The following TASL variants were observed in gnomAD, a reference collection of about 807,000 sequenced individuals.
TASL encodes the protein TLR adaptor interacting with endolysosomal SLC15A4.
Under a neutral mutation model 12.9 loss-of-function variants are expected in TASL, and 6 were observed. The ratio of observed to expected loss-of-function variants is 0.46; its 90% CI spans 0.25 to 0.92. The LOEUF is 0.92. TASL is among the 40% of genes least tolerant of loss of function. TASL has a pLI of 0.17. For synonymous variants in TASL, 85 were observed against 79.3 expected, an observed-to-expected ratio of 1.07 and a Z score of -0.38; for missense variants, 165 against 212.8, an observed-to-expected ratio of 0.78 and a Z score of 1.40.
chrX:30,568,601 AC>A (rs1256055683), intron 2 of TASL, among the ~76,000 whole-genome samples: 1 of 110,338 alleles, frequency 9.1e-6, no homozygotes, highest in Non-Finnish European at 1.9e-5. Context: ...CCCCTTTAGG[AC>A]CCCTTATCCC....
chrX:30,559,462 A>T lies in TASL; in HGVS notation c.894T>A (p.Asn298Lys). 1 of 1,170,772 alleles carries T rather than the reference A, an allele frequency of 8.5e-7. No homozygotes were observed. Among genetic ancestry groups the T allele is most frequent in the Non-Finnish European group, 1.1e-6 (1 of 874,132 alleles). Reference sequence around the variant, plus strand: ...GGAAGCATCCTCTCTATGGATTTACATTGCTATACTGAGAAATATGGAGAC... The same window carrying T: ...GGAAGCATCCTCTCTATGGATTTACTTTGCTATACTGAGAAATATGGAGAC... ...TPSLHISQYSNVNP is the reference protein window; with the variant it reads ...TPSLHISQYSKVNP The change falls in exon 3 of 3, where the codon AAT becomes AAA. Residue 298 changes from asparagine (N) to lysine (K), a missense_variant. Coordinates refer to ENST00000378962, the MANE Select transcript of TASL (RefSeq NM_025159.3).
At chrX:30,563,301 T>G (rs765631504) in intron 2 of TASL, among the ~76,000 whole-genome samples, 1 of 112,012 alleles carries the variant, frequency 8.9e-6, no homozygotes, top group Non-Finnish European at 1.9e-5. Flanking sequence ...ACCATGATTG[T>G]GTTTCCTGAG....
chrX:30,568,725 C>T lies in TASL; in HGVS notation c.-2+8027G>A, dbSNP rs778067866. Reference sequence around the variant, plus strand: ...ATGCAGATGAGTTTTATAAGTACTCCTGATAATCTCCACACTCCTTCATAA... The same window carrying T: ...ATGCAGATGAGTTTTATAAGTACTCTTGATAATCTCCACACTCCTTCATAA... On this transcript the variant is annotated intron_variant, in intron 2 of 2. Transcript: ENST00000378962. 3.9e-3 allele frequency among the ~76,000 whole-genome samples: 435 copies of T among 110,194 alleles called. 1 individual carries two copies. Among genetic ancestry groups the T allele is most frequent in the African/African-American group, 0.014 (411 of 30,179 alleles).
At chrX:30,563,183 C>T (rs1930452523) in intron 2 of TASL, among the ~76,000 whole-genome samples, 3 of 111,213 alleles carry the variant, frequency 2.7e-5, no homozygotes, top group Non-Finnish European at 3.8e-5. Context: ...CCATCCTGTT[C>T]TCGTGATAGA....
chrX:30,559,425 C>T lies in TASL; in HGVS notation c.*25G>A, dbSNP rs188451154. ...GTGTTGCTTCATGTTTAAGTAAATG[C>T]GAGACAGTAATGGAAGCATCCTCTC... is the stretch of plus-strand genomic sequence containing the variant. On this transcript the variant is annotated 3_prime_UTR_variant, in exon 3 of 3. Transcript: ENST00000378962. 59 of 1,077,435 alleles carry T rather than the reference C, an allele frequency of 5.5e-5. No homozygotes were observed. The highest frequency in any genetic ancestry group is 3.5e-4 in the African/African-American group (19 of 53,628). 88.8% of individuals were successfully genotyped at this position (1,077,435 alleles called of 1,213,427 possible). A position where few individuals can be genotyped will look rare whatever the true frequency, so the allele number is the denominator to read the frequency against.
chrX:30,576,085 A>G (rs1357238608), intron 2 of TASL, among the ~76,000 whole-genome samples: 1 of 112,003 alleles, frequency 8.9e-6, no homozygotes, highest in Non-Finnish European at 1.9e-5. Flanking sequence ...AATTGTAGGC[A>G]TGTCAACTAC....
At chrX:30,566,092 A>G (rs780436562) in intron 2 of TASL, among the ~76,000 whole-genome samples, 1 of 110,755 alleles carries the variant, frequency 9.0e-6, no homozygotes, top group East Asian at 2.8e-4. Context: ...TTTAAAGTTC[A>G]TTGGTTGATC....
At position 30,568,373 on chromosome X, in the gene TASL, C is replaced by T. The variant is rs375844413; in HGVS notation, c.-1-8017G>A. ...AGAGATGACTGTGTGACAGGTTAACCTTTATTTGGCCCTACAGACAGAAAG... is the reference window on the plus strand; with the variant it reads ...AGAGATGACTGTGTGACAGGTTAACTTTTATTTGGCCCTACAGACAGAAAG... On this transcript the variant is annotated intron_variant, in intron 2 of 2. Transcript: ENST00000378962. 6.4e-4 allele frequency among the ~76,000 whole-genome samples: 71 copies of T among 111,395 alleles called. No homozygotes were observed. The South Asian group carries it at 0.027, about 42-fold the overall frequency.
At chrX:30,561,679 A>G (rs1435193322) in intron 2 of TASL, among the ~76,000 whole-genome samples, 1 of 109,808 alleles carries the variant, frequency 9.1e-6, no homozygotes, top group African/African-American at 3.4e-5. Context: ...AAAATTGTAT[A>G]AGGGTAAGAT....
At chrX:30,561,491 G>A (rs1930422973) in intron 2 of TASL, among the ~76,000 whole-genome samples, 1 of 111,574 alleles carries the variant, frequency 9.0e-6, no homozygotes, top group Non-Finnish European at 1.9e-5. Flanking sequence ...GTCCTCTTGG[G>A]CCTCGAGAGC....
chrX:30,564,193 T>C (rs1248748866), intron 2 of TASL, among the ~76,000 whole-genome samples: 3 of 111,577 alleles, frequency 2.7e-5, no homozygotes, highest in Non-Finnish European at 1.9e-5. Context: ...ATTTTAAACC[T>C]CAATGGAAGG....
Position 30,559,730 on chromosome X carries a change from A to G in TASL, c.626T>C (p.Val209Ala). ...LQMQNPISNAVLNEYLEQKVV... is the reference protein window; with the variant it reads ...LQMQNPISNAALNEYLEQKVV... ...CTTCTGCTCCAGGTACTCATTCAGA[A>G]CTGCATTAGAAATAGGATTCTGCAT... is the stretch of plus-strand genomic sequence containing the variant. Residue 209 changes from valine to alanine, a missense_variant, in exon 3 of 3, where the codon GTT becomes GCT. By Grantham distance (64) the Val-to-Ala change is moderately conservative. Transcript: ENST00000378962. 1 of 1,211,012 alleles carries G rather than the reference A, an allele frequency of 8.3e-7. No homozygotes were observed. Among genetic ancestry groups the G allele is most frequent in the Non-Finnish European group, 1.1e-6 (1 of 894,839 alleles).
At position 30,574,700 on chromosome X, in the gene TASL, A is replaced by G. The variant is rs1388745214; in HGVS notation, c.-2+2052T>C. On this transcript the variant is annotated intron_variant, in intron 2 of 2. Coordinates refer to ENST00000378962, the MANE Select transcript of TASL (RefSeq NM_025159.3). ...CTAGCAGGGGTACAGTTTGGCTTCT[A>G]CCTGTCAACATGTCTGCTTACAGAG... Among the ~76,000 whole-genome samples, 3 of 112,164 alleles carry G rather than the reference A, an allele frequency of 2.7e-5. No individual in the cohort carries two copies. In the East Asian group the frequency reaches 8.4e-4, roughly 31 times the overall value.
chrX:30,563,148 C>G (rs1194232566), intron 2 of TASL, among the ~76,000 whole-genome samples: 1 of 111,369 alleles, frequency 9.0e-6, no homozygotes, highest in African/African-American at 3.3e-5. Context: ...ATGTGGAGAT[C>G]ATTGAATCAT....
Position 30,559,509 on chromosome X carries a change from T to C in TASL, c.847A>G (p.Ile283Val), listed in dbSNP as rs1330115492. The change falls in exon 3 of 3, where the codon ATT becomes GTT. Residue 283 changes from isoleucine (I) to valine (V), a missense_variant. By Grantham distance (29) the Ile-to-Val change is conservative. Coordinates refer to ENST00000378962, the MANE Select transcript of TASL (RefSeq NM_025159.3). ...SRLLQLMSTE[I>V]TEISTPSLHI... The stretch of plus-strand genomic sequence containing the variant: ...AGACTAGGAGTGCTAATTTCAGTAA[T>C]TTCAGTTGACATCAATTGCAATAGG... The C allele has an allele frequency of 3.3e-6, 4 of 1,205,586 alleles. No homozygotes were observed. Among genetic ancestry groups the C allele is most frequent in the Middle Eastern group, 4.6e-4 (2 of 4,345 alleles).
chrX:30,569,273 G>C (rs1187660960), intron 2 of TASL, among the ~76,000 whole-genome samples: 1 of 110,823 alleles, frequency 9.0e-6, no homozygotes, highest in Non-Finnish European at 1.9e-5. Context: ...AGAAAGAGAA[G>C]GAATGCATTT....
chrX:30,571,294 G>GAA (rs747116476), intron 2 of TASL, among the ~76,000 whole-genome samples: 1 of 85,633 alleles, frequency 1.2e-5, no homozygotes, highest in Non-Finnish European at 2.3e-5. Flanking sequence ...AAGAAAGAAA[G>GAA]AAAGAAAGAA....
In TASL at chrX:30,571,292, AAG is replaced by A. The variant is rs1419990034; in HGVS notation, c.-2+5458_-2+5459del. ...AAAGAAAGAAAGAAAGAAAGAAAGA[AAG>A]AAAGAAAGAAAGAAAGAAAGAAAGA... On this transcript the variant is annotated intron_variant, in intron 2 of 2. Coordinates refer to ENST00000378962, the MANE Select transcript of TASL (RefSeq NM_025159.3). Among the ~76,000 whole-genome samples the A allele has an allele frequency of 1.6e-3, 148 of 91,257 alleles. 1 individual carries two copies. Among genetic ancestry groups the A allele is most frequent in the African/African-American group, 2.3e-3 (52 of 22,767 alleles). 79.2% of individuals were successfully genotyped at this position (91,257 alleles called of 115,157 possible).
chrX:30,568,795 G>A (rs1448847689), intron 2 of TASL, among the ~76,000 whole-genome samples: 2 of 110,188 alleles, frequency 1.8e-5, no homozygotes, highest in Non-Finnish European at 3.8e-5. Flanking sequence ...GTACAGTAAT[G>A]GGCCCCTTTT....
Sources: gnomAD v4.1 joint callset for allele counts (sites outside exome capture counted in the v4.1 genomes callset) on GRCh38, gnomAD v4.1.1 for gene constraint, MANE v1.5 for transcripts, NCBI Gene and HGNC (gene_info 2026-07-23, HGNC 2026-07-21) for gene names.